PLGRKT: variants seen among roughly 807,000 people sequenced by gnomAD.
PLGRKT encodes plasminogen receptor (KT).
PLGRKT carries 22 observed loss-of-function variants against 18.5 expected under a neutral mutation model. The observed-to-expected ratio is 1.19, with a 90% CI of 0.85 to 1.70. PLGRKT has a LOEUF of 1.70. Ranked by LOEUF, PLGRKT falls within the 40% of genes most tolerant of loss-of-function variation. PLGRKT has a pLI of 0.00. For missense variants in PLGRKT, 235 were observed against 174.4 expected (o/e 1.35, Z -1.96); for synonymous variants, 72 against 52.8 (o/e 1.36, Z -1.58).
At chr9:5,399,458 T>C (rs1818114890) in intron 3 of PLGRKT, among the ~76,000 whole-genome samples, 2 of 151,856 alleles carry the variant, frequency 1.3e-5, no homozygotes, top group Non-Finnish European at 2.9e-5. Context: ...TTTTCCCTTT[T>C]CTTTAGAGTT....
chr9:5,380,152 C>T (rs1817711318), intron 3 of PLGRKT, among the ~76,000 whole-genome samples: 1 of 152,068 alleles, frequency 6.6e-6, no homozygotes, highest in Admixed American at 6.5e-5. Context: ...ATCACGAGGT[C>T]AGGAGATTGA....
intron 3 of PLGRKT, among the ~76,000 whole-genome samples, chr9:5,429,124 G>A (rs1179587880): frequency 1.3e-5 from 2 of 152,158 alleles, no homozygotes; most frequent in Admixed American, 1.3e-4. Context: ...ATACTGTGAT[G>A]TGTGTCAACA....
rs761914881 is a variant in PLGRKT at position 5,384,774 on chromosome 9, C to T, written c.82-22886G>A. Reference sequence around the variant, plus strand: ...AAGCAGAAGAAAAATCATCACTCCCCACACAAAAACCAGCATGAAAAGATG... The same window carrying T: ...AAGCAGAAGAAAAATCATCACTCCCTACACAAAAACCAGCATGAAAAGATG... On this transcript the variant is annotated intron_variant, in intron 3 of 5. Transcript: ENST00000223864. Among the ~76,000 whole-genome samples, 8 of 152,136 alleles carry T rather than the reference C, an allele frequency of 5.3e-5. No individual in the cohort carries two copies. The Middle Eastern group carries it at 0.014, about 259-fold the overall frequency.
intron 3 of PLGRKT, among the ~76,000 whole-genome samples, chr9:5,416,064 G>A (rs1303672843): frequency 2.0e-5 from 3 of 151,918 alleles, no homozygotes. Flanking sequence ...GCTGGATAAA[G>A]GATATACTTG....
chr9:5,388,654 C>T (rs1272429802), intron 3 of PLGRKT, among the ~76,000 whole-genome samples: 1 of 152,042 alleles, frequency 6.6e-6, no homozygotes, highest in Admixed American at 6.5e-5. Flanking sequence ...CTCAGTCGCC[C>T]TGGTCCTAAA....
intron 3 of PLGRKT, among the ~76,000 whole-genome samples, chr9:5,367,950 AAAG>A: frequency 1.3e-5 from 2 of 152,332 alleles, no homozygotes; most frequent in Middle Eastern, 3.4e-3. Context: ...ACACTTCTCA[AAAG>A]AAGACATATG....
At chr9:5,437,631 C>G (rs1162966447) in intron 1 of PLGRKT, 158 bp downstream of exon 1, 1 of 152,308 alleles carries the variant, frequency 6.6e-6, no homozygotes, top group African/African-American at 2.4e-5. Context: ...GTTGGCAATA[C>G]CTATCAGCAC....
chr9:5,433,364 G>C (rs751563387), intron 2 of PLGRKT, among the ~76,000 whole-genome samples: 14 of 150,514 alleles, frequency 9.3e-5, no homozygotes, highest in Non-Finnish European at 1.9e-4. Context: ...GGTGTGAGGA[G>C]CATCTCTGCC....
chr9:5,361,612 C>G (rs895783753), intron 4 of PLGRKT, 146 bp downstream of exon 4: 1 of 682,146 alleles, frequency 1.5e-6, no homozygotes, highest in Non-Finnish European at 2.4e-6. Context: ...CACAGAGTTA[C>G]CCCCAAGGAC....
intron 2 of PLGRKT, among the ~76,000 whole-genome samples, chr9:5,433,347 C>T (rs1328662980): frequency 2.0e-5 from 3 of 148,338 alleles, no homozygotes; most frequent in Admixed American, 6.7e-5. Flanking sequence ...GACCGCCCAT[C>T]GTCTGGGGTG....
chr9:5,420,873 C>T (rs1439974374), intron 3 of PLGRKT, among the ~76,000 whole-genome samples: 1 of 152,172 alleles, frequency 6.6e-6, no homozygotes, highest in East Asian at 1.9e-4. Flanking sequence ...AAGAAAAAAA[C>T]AGATGGGGGG....
intron 5 of PLGRKT, 30 bp from the exon 6 acceptor site, chr9:5,358,390 G>C: frequency 6.2e-7 from 1 of 1,608,410 alleles, no homozygotes; most frequent in Non-Finnish European, 8.5e-7. Context: ...TACACAAGGT[G>C]ACAAAGGGGT....
At chr9:5,387,742 G>C (rs1260160707) in intron 3 of PLGRKT, among the ~76,000 whole-genome samples, 2 of 151,742 alleles carry the variant, frequency 1.3e-5, no homozygotes, top group African/African-American at 4.9e-5. Flanking sequence ...TAGAAATCAA[G>C]CTGTACTCTT....
Position 5,362,154 on chromosome 9 carries a change from G to C in PLGRKT, c.82-266C>G, listed in dbSNP as rs373005174. Among the ~76,000 whole-genome samples, 14 of 152,312 alleles carry C rather than the reference G, an allele frequency of 9.2e-5. 1 individual carries two copies. Among genetic ancestry groups the C allele is most frequent in the East Asian group, 7.7e-4 (4 of 5,192 alleles). On this transcript the variant is annotated intron_variant, in intron 3 of 5. Transcript: ENST00000223864. ...AGGTCTTGACTGCCTGTGGTCTGGA[G>C]CTTTAGCCAAGTCTCAAATAAATGT...
chr9:5,397,242 A>T (rs1818067570), intron 3 of PLGRKT, among the ~76,000 whole-genome samples: 1 of 151,860 alleles, frequency 6.6e-6, no homozygotes. Flanking sequence ...GGTAAGATCA[A>T]AGAAGTCAGT....
chr9:5,422,709 T>TA (rs1453873593), intron 3 of PLGRKT, among the ~76,000 whole-genome samples: 2 of 152,280 alleles, frequency 1.3e-5, no homozygotes, highest in Non-Finnish European at 2.9e-5. Flanking sequence ...CTATATCTGT[T>TA]AGAGAATCAT....
chr9:5,404,003 T>G (rs745663977), intron 3 of PLGRKT, among the ~76,000 whole-genome samples: 7 of 152,062 alleles, frequency 4.6e-5, no homozygotes, highest in Non-Finnish European at 1.0e-4. Context: ...TAAACACCTC[T>G]ATGCAAATAA....
chr9:5,370,595 A>C (rs1416177947), intron 3 of PLGRKT, among the ~76,000 whole-genome samples: 1 of 152,222 alleles, frequency 6.6e-6, no homozygotes, highest in Admixed American at 6.5e-5. Flanking sequence ...TTTTATTTGC[A>C]AAACTTTTAT....
At chr9:5,405,888 C>T (rs529836615) in intron 3 of PLGRKT, among the ~76,000 whole-genome samples, 214 of 152,158 alleles carry the variant, frequency 1.4e-3, no homozygotes, top group Non-Finnish European at 2.2e-3. Flanking sequence ...CCAGAATCTA[C>T]AAGGAACTTA....
Sources: allele counts gnomAD v4.1 joint callset (sites outside exome capture counted in the v4.1 genomes callset), GRCh38; gene constraint gnomAD v4.1.1; transcripts MANE v1.5; gene names NCBI Gene and HGNC (gene_info 2026-07-23, HGNC 2026-07-21).